The following KLHL18 variants were observed in gnomAD, a reference collection of about 807,000 sequenced individuals.
The protein encoded by KLHL18 is kelch-like protein 18.
Under a neutral mutation model 58.5 loss-of-function variants are expected in KLHL18, and 38 were observed. The observed-to-expected ratio is 0.65, with a 90% confidence interval of 0.50 to 0.85. KLHL18 has a LOEUF of 0.85. Ranked by LOEUF, KLHL18 falls within the 40% of genes least tolerant of loss-of-function variation. The pLI is 0.00. For synonymous variants in KLHL18, 303 were observed against 301.9 expected (o/e 1.00, Z -0.04); for missense variants, 624 against 778.4 (o/e 0.80, Z 2.36).
At chr3:47,316,707 GTATATATGTA>G (rs377685991) in intron 1 of KLHL18, among the ~76,000 whole-genome samples, 16 of 38,136 alleles carry the variant, frequency 4.2e-4, no homozygotes, top group South Asian at 4.0e-3. Context: ...ACATATATAC[GTATATATGTA>G]TATGTGTGTG....
chr3:47,335,491 TTTG>T (rs950951257), intron 6 of KLHL18, among the ~76,000 whole-genome samples: 2 of 151,966 alleles, frequency 1.3e-5, no homozygotes, highest in Non-Finnish European at 2.9e-5. Flanking sequence ...CCCAGGCAGT[TTTG>T]TTTTTATTTT....
intron 1 of KLHL18, 75 bp from the exon 2 acceptor site, chr3:47,319,578 G>A: frequency 6.5e-7 from 1 of 1,527,132 alleles, no homozygotes; most frequent in East Asian, 2.3e-5. Context: ...CGGAGGGGCA[G>A]GGTGGGTTTT....
intron 1 of KLHL18, among the ~76,000 whole-genome samples, chr3:47,306,668 A>C (rs1703154872): frequency 6.6e-6 from 1 of 152,186 alleles, no homozygotes; most frequent in Non-Finnish European, 1.5e-5. Context: ...GTCATTGAGT[A>C]TGTGCGTGTT....
In KLHL18 at chr3:47,294,882, G is replaced by A. The variant is rs1702865026; in HGVS notation, c.129+11788G>A. ...TTTAGGAGAGATGATGATAATGGCCGGAGCCAGAAGACTAATTCTGACTTG... is the reference window on the plus strand; with the variant it reads ...TTTAGGAGAGATGATGATAATGGCCAGAGCCAGAAGACTAATTCTGACTTG... On this transcript the variant is annotated intron_variant, in intron 1 of 9. Coordinates refer to ENST00000232766, the MANE Select transcript of KLHL18 (RefSeq NM_025010.5). 2.0e-5 allele frequency among the ~76,000 whole-genome samples: 3 copies of A among 152,090 alleles called. 1 individual carries two copies. Among genetic ancestry groups the A allele is most frequent in the South Asian group, 4.1e-4 (2 of 4,828 alleles).
At chr3:47,342,664 G>A (rs895848084) in intron 8 of KLHL18, 55 bp from the exon 9 acceptor site, 3 of 1,469,416 alleles carry the variant, frequency 2.0e-6, no homozygotes, top group Non-Finnish European at 2.9e-6. Flanking sequence ...CTGTCTTGAG[G>A]GAACAAGAAC....
At position 47,340,593 on chromosome 3, in the gene KLHL18, G is replaced by A. The variant is rs779046161; in HGVS notation, c.1143G>A (p.Leu381=). ...SKRSAMGTVV[L]DGQIYVCGGY... is the part of the protein sequence containing the mutation. ...TCAGTGCCATGGGGACAGTCGTGCT[G>A]GATGGGCAGATCTACGTCTGTGGGG... The change falls in exon 8 of 10, where the codon CTG becomes CTA. Residue 381 remains leucine (L), a synonymous_variant. Coordinates refer to ENST00000232766, the MANE Select transcript of KLHL18 (RefSeq NM_025010.5). The A allele has an allele frequency of 1.9e-6, 3 of 1,614,058 alleles. No individual in the cohort carries two copies. The highest frequency in any genetic ancestry group is 2.2e-5 in the South Asian group (2 of 91,076).
chr3:47,342,073 G>A (rs1020933102), intron 8 of KLHL18, among the ~76,000 whole-genome samples: 1 of 152,046 alleles, frequency 6.6e-6, no homozygotes, highest in Non-Finnish European at 1.5e-5. Flanking sequence ...GTGACAGAGT[G>A]AGACCCTGTC....
intron 1 of KLHL18, among the ~76,000 whole-genome samples, chr3:47,298,161 C>A (rs1702935211): frequency 6.6e-6 from 1 of 151,862 alleles, no homozygotes; most frequent in Admixed American, 6.6e-5. Flanking sequence ...AGAAGGAAGC[C>A]TTAAATCCAG....
At chr3:47,319,901 A>G (rs993428111) in intron 2 of KLHL18, 118 bp downstream of exon 2, 21 of 1,060,008 alleles carry the variant, frequency 2.0e-5, no homozygotes, top group African/African-American at 3.2e-5. Flanking sequence ...GCTCTACACA[A>G]ATAATAAGTG....
intron 1 of KLHL18, among the ~76,000 whole-genome samples, chr3:47,295,549 T>G (rs536113620): frequency 7.5e-6 from 1 of 132,970 alleles, no homozygotes; most frequent in Admixed American, 7.0e-5. Context: ...CTTCCCTTGC[T>G]TTCCCTTTCC....
intron 1 of KLHL18, among the ~76,000 whole-genome samples, chr3:47,308,376 C>T (rs1003918004): frequency 6.6e-6 from 1 of 152,040 alleles, no homozygotes; most frequent in Non-Finnish European, 1.5e-5. Flanking sequence ...CCCAATATGT[C>T]GTCAATATGT....
intron 1 of KLHL18, among the ~76,000 whole-genome samples, chr3:47,306,795 T>C (rs1485006224): frequency 1.3e-5 from 2 of 152,190 alleles, no homozygotes; most frequent in African/African-American, 4.8e-5. Flanking sequence ...CATCATCAGC[T>C]TTGGGTATTA....
At chr3:47,300,189 CCTT>C (rs1702985472) in intron 1 of KLHL18, among the ~76,000 whole-genome samples, 1 of 150,668 alleles carries the variant, frequency 6.6e-6, no homozygotes, top group African/African-American at 2.4e-5. Context: ...CTCCCCACCT[CCTT>C]CTTTTCCTCC....
At chr3:47,297,195 T>C (rs1702915084) in intron 1 of KLHL18, among the ~76,000 whole-genome samples, 1 of 152,226 alleles carries the variant, frequency 6.6e-6, no homozygotes, top group Non-Finnish European at 1.5e-5. Context: ...CACAGAGTGT[T>C]CAAAGAGTGT....
At chr3:47,324,189 C>T (rs1009836527) in intron 3 of KLHL18, among the ~76,000 whole-genome samples, 1 of 151,558 alleles carries the variant, frequency 6.6e-6, no homozygotes, top group East Asian at 1.9e-4. Flanking sequence ...GGAGCACACA[C>T]TATCTTTCCT....
chr3:47,317,545 G>C (rs1559496301), intron 1 of KLHL18, among the ~76,000 whole-genome samples: 1 of 152,100 alleles, frequency 6.6e-6, no homozygotes, highest in Non-Finnish European at 1.5e-5. Context: ...AATGTCTCAA[G>C]AAACAGACAA....
chr3:47,332,469 G>A (rs1703886712), intron 4 of KLHL18, among the ~76,000 whole-genome samples: 1 of 152,128 alleles, frequency 6.6e-6, no homozygotes, highest in African/African-American at 2.4e-5. Context: ...GGTGAAGCGG[G>A]CTTGATAGGA....
chr3:47,283,166 GAGAA>G, intron 1 of KLHL18, 72 bp downstream of exon 1: 2 of 1,245,050 alleles, frequency 1.6e-6, no homozygotes, highest in South Asian at 1.3e-5. Flanking sequence ...GCGGGGGACA[GAGAA>G]AGAGAGGTCT....
Position 47,344,874 on chromosome 3 carries a change from G to T in KLHL18, c.*933G>T, listed in dbSNP as rs1053519458. ...AATCAGTGCACTCTTGACTGGGCCT[G>T]TAGTAAGGTGCTCATGGGGTTTGTC... On this transcript the variant is annotated 3_prime_UTR_variant, in exon 10 of 10. Transcript: ENST00000232766. The T allele has an allele frequency of 4.6e-5, 7 of 152,588 alleles. No individual in the cohort carries two copies. Among genetic ancestry groups the T allele is most frequent in the Admixed American group, 6.5e-5 (1 of 15,278 alleles). 9.5% of individuals were successfully genotyped at this position (152,588 alleles called of 1,614,324 possible).
Sources: gnomAD v4.1 joint callset for allele counts (sites outside exome capture counted in the v4.1 genomes callset) on GRCh38, gnomAD v4.1.1 for gene constraint, MANE v1.5 for transcripts, NCBI Gene and HGNC (gene_info 2026-07-23, HGNC 2026-07-21) for gene names.